The following KLK12 variants were observed in gnomAD, a reference collection of about 807,000 sequenced individuals.
KLK12 encodes kallikrein-12.
In KLK12, 23 loss-of-function variants were observed where a neutral mutation model predicts 20.0. The ratio of observed to expected loss-of-function variants is 1.15; its 90% CI spans 0.83 to 1.63. The LOEUF (loss-of-function observed/expected upper bound fraction) is 1.63. Among genes scored for constraint, KLK12 ranks in the 40% most tolerant of loss-of-function variants. The pLI is 0.00. For synonymous variants in KLK12, 147 were observed against 141.9 expected (o/e 1.04, Z -0.25); for missense variants, 351 against 338.6 (o/e 1.04, Z -0.29).
intron 5 of KLK12, among the ~76,000 whole-genome samples, chr19:51,030,263 C>T (rs886624050): frequency 2.6e-5 from 4 of 151,416 alleles, no homozygotes; most frequent in African/African-American, 9.7e-5. Flanking sequence ...TCCTCCATTC[C>T]CCGGTCCTCC....
intron 4 of KLK12, 26 bp from the exon 5 acceptor site, chr19:51,030,947 G>A (rs375985154): frequency 6.2e-7 from 1 of 1,613,758 alleles, no homozygotes; most frequent in Non-Finnish European, 8.5e-7. Context: ...GCGTGCTGCA[G>A]GGTCCCCTAA....
At chr19:51,033,923 C>T (rs2091584923) in intron 3 of KLK12, 57 bp downstream of exon 3, 5 of 1,530,100 alleles carry the variant, frequency 3.3e-6, no homozygotes, top group Non-Finnish European at 4.5e-6. Context: ...TGTGATCCTA[C>T]CCCCAGCGCT....
intron 2 of KLK12, 104 bp from the exon 3 acceptor site, chr19:51,034,243 A>C: frequency 7.5e-7 from 1 of 1,341,916 alleles, no homozygotes; most frequent in South Asian, 1.3e-5. Flanking sequence ...AGAGAGGAGA[A>C]AGAGAGACGA....
At position 51,031,591 on chromosome 19, in the gene KLK12, C is replaced by CATATATATATATATATATATAT. The variant is rs1185762497; in HGVS notation, c.457+284_457+285insATATATATATATATATATATAT. 4.1e-4 allele frequency among the ~76,000 whole-genome samples: 25 copies of CATATATATATATATATATATAT among 60,554 alleles called. No individual in the cohort carries two copies. In the South Asian group the frequency reaches 0.014, roughly 33 times the overall value. 39.7% of individuals were successfully genotyped at this position (60,554 alleles called of 152,430 possible). The stretch of plus-strand genomic sequence containing the variant: ...TGACCCACAATGCCCATATCCTATA[C>CATATATATATATATATATATAT]ATACATATATATATATATATGCCTT... On this transcript the variant is annotated intron_variant, in intron 4 of 5. Transcript: ENST00000684732.
chr19:51,033,386 C>A (rs2691210), intron 3 of KLK12, among the ~76,000 whole-genome samples: 1 of 151,836 alleles, frequency 6.6e-6, no homozygotes, highest in Non-Finnish European at 1.5e-5. Flanking sequence ...GAGGCCAAGA[C>A]GGGCAGGTCA....
At position 51,029,375 on chromosome 19, in the gene KLK12, T is replaced by C; in HGVS notation, c.674A>G (p.Asp225Gly). 6.2e-7 allele frequency: 1 copy of C among 1,613,778 alleles called. No individual in the cohort carries two copies. Among genetic ancestry groups the C allele is most frequent in the Non-Finnish European group, 8.5e-7 (1 of 1,179,884 alleles). The stretch of plus-strand genomic sequence containing the variant: ...ATAGGTGTAGACTCCAGGGATGCCA[T>C]CTTGTCCACAGGGCCCCACAGACCC... ...SWGSVGPCGQDGIPGVYTYIC... is the reference protein window; with the variant it reads ...SWGSVGPCGQGGIPGVYTYIC... The change falls in exon 6 of 6, where the codon GAT becomes GGT. Residue 225 changes from aspartate to glycine, a missense_variant. Coordinates refer to ENST00000684732, the MANE Select transcript of KLK12 (RefSeq NM_001370125.1).
At chr19:51,033,793 A>T in intron 3 of KLK12, 187 bp downstream of exon 3, 1 of 669,738 alleles carries the variant, frequency 1.5e-6, no homozygotes, top group Non-Finnish European at 2.7e-6. Flanking sequence ...CCTCCACCCA[A>T]CATACCTCAC....
chr19:51,029,758 C>A (rs953146573), intron 5 of KLK12, among the ~76,000 whole-genome samples: 1 of 152,022 alleles, frequency 6.6e-6, no homozygotes, highest in Non-Finnish European at 1.5e-5. Flanking sequence ...AATGACCAAT[C>A]TCAGGGGAGG....
chr19:51,032,104 G>A lies in KLK12; in HGVS notation c.229C>T (p.Leu77Phe), dbSNP rs763260557. The A allele has an allele frequency of 1.0e-5, 16 of 1,604,400 alleles. No individual in the cohort carries two copies. The highest frequency in any genetic ancestry group is 1.0e-5 in the Non-Finnish European group (12 of 1,178,132). Residue 77 changes from leucine (L) to phenylalanine (F), a missense_variant, in exon 4 of 6, where the codon CTC becomes TTC. By Grantham distance (22) the Leu-to-Phe change is conservative (BLOSUM62 0). Coordinates refer to ENST00000684732, the MANE Select transcript of KLK12 (RefSeq NM_001370125.1). ...RYWVRLGEHSLSQLDWTEQIR... is the reference protein window; with the variant it reads ...RYWVRLGEHSFSQLDWTEQIR... ...TGCTCGGTCCAGTCGAGCTGGCTGA[G>A]GCTGTGTTCCCCCAGGCGCACCCAG...
At chr19:51,030,756 G>A in intron 5 of KLK12, 32 bp downstream of exon 5, 10 of 1,611,954 alleles carry the variant, frequency 6.2e-6, no homozygotes, top group Non-Finnish European at 7.6e-6. Flanking sequence ...TTCCTGTCCT[G>A]GTGACCACGC....
At chr19:51,034,748 C>A in intron 1 of KLK12, 58 bp downstream of exon 1, 1 of 1,534,074 alleles carries the variant, frequency 6.5e-7, no homozygotes, top group South Asian at 1.2e-5. Context: ...CTTGTCCTCT[C>A]TCTACCTGCT....
chr19:51,034,022 A>G lies in KLK12; in HGVS notation c.155T>C (p.Ile52Thr). 1 of 1,610,374 alleles carries G rather than the reference A, an allele frequency of 6.2e-7. No homozygotes were observed. Among genetic ancestry groups the G allele is most frequent in the Non-Finnish European group, 8.5e-7 (1 of 1,178,596 alleles). ...GTSLRCGGVL[I>T]DHRWVLTAAH... ...CGCTGTGAGGACCCACCTGTGGTCA[A>G]TAAGGACACCCCCGCAGCGCAGGCT... Residue 52 changes from isoleucine to threonine, a missense_variant, in exon 3 of 6, where the codon ATT becomes ACT. Transcript: ENST00000684732.
At chr19:51,034,702 C>A in intron 1 of KLK12, 62 bp from the exon 2 acceptor site, 1 of 1,559,888 alleles carries the variant, frequency 6.4e-7, no homozygotes, top group East Asian at 2.3e-5. Flanking sequence ...TCTGCCCTCT[C>A]TGCTTCTCTT....
intron 3 of KLK12, among the ~76,000 whole-genome samples, chr19:51,033,407 G>A (rs2122619372): frequency 6.6e-6 from 1 of 152,148 alleles, no homozygotes; most frequent in African/African-American, 2.4e-5. Context: ...TTTGAGGCCA[G>A]GAGTTCGAGA....
chr19:51,030,781 GGC>G lies in KLK12; in HGVS notation c.591+5_591+6del. On this transcript the variant is annotated splice_donor_5th_base_variant and intron_variant, in intron 5 of 5. Coordinates refer to ENST00000684732, the MANE Select transcript of KLK12 (RefSeq NM_001370125.1). ...GGTGACCACGCACGCTGCCTGCACTGGCTCACCTGGCAGGCATCCTGCCCCGG... is the reference window on the plus strand; with the variant it reads ...GGTGACCACGCACGCTGCCTGCACTGTCACCTGGCAGGCATCCTGCCCCGG... 6.2e-7 allele frequency: 1 copy of G among 1,613,312 alleles called. No individual in the cohort carries two copies. Among genetic ancestry groups the G allele is most frequent in the South Asian group, 1.1e-5 (1 of 91,048 alleles).
chr19:51,029,309 T>C lies in KLK12; in HGVS notation c.740A>G (p.Asn247Ser), dbSNP rs1245201395. The change falls in exon 6 of 6, where the codon AAC becomes AGC. Residue 247 changes from asparagine (N) to serine (S), a missense_variant. By Grantham distance (46) the Asn-to-Ser change is conservative. Transcript: ENST00000684732. ...YVDWIRMIMR[N>S]N ...GGAGGTGGAGGAAACAGGTCAGTTG[T>C]TCCTCATGATCATCCGGATCCAGTC... 4 of 1,614,046 alleles carry C rather than the reference T, an allele frequency of 2.5e-6. No individual in the cohort carries two copies. The highest frequency in any genetic ancestry group is 2.5e-6 in the Non-Finnish European group (3 of 1,180,012).
rs889591233 is a variant in KLK12, at chr19:51,034,256, AAGAG to A, written c.38-121_38-118del. On this transcript the variant is annotated intron_variant, in intron 2 of 5. Transcript: ENST00000684732. ...AGAGAGAGGAGAAAGAGAGACGAGA[AAGAG>A]AGAGAAAGAGAGAGAGACCCAGTGA... is the stretch of plus-strand genomic sequence containing the variant. 9.1e-6 allele frequency: 11 copies of A among 1,212,762 alleles called. No homozygotes were observed. In the African/African-American group the frequency reaches 1.2e-4, roughly 13 times the overall value. The allele number at this position is 1,212,762 out of a possible 1,614,324, so 75.1% of individuals were successfully genotyped here.
intron 4 of KLK12, 25 bp from the exon 5 acceptor site, chr19:51,030,946 A>G (rs1286162990): frequency 6.2e-7 from 1 of 1,613,778 alleles, no homozygotes; most frequent in Admixed American, 1.7e-5. Context: ...TGCGTGCTGC[A>G]GGGTCCCCTA....
chr19:51,030,355 A>ATTATTAT (rs2091543809), intron 5 of KLK12, among the ~76,000 whole-genome samples: 1 of 61,904 alleles, frequency 1.6e-5, no homozygotes, highest in Non-Finnish European at 3.4e-5. Context: ...ATTATTATTA[A>ATTATTAT]TTATTTTGTT....
Sources: allele counts gnomAD v4.1 joint callset (sites outside exome capture counted in the v4.1 genomes callset), GRCh38; gene constraint gnomAD v4.1.1; transcripts MANE v1.5; gene names NCBI Gene and HGNC (gene_info 2026-07-23, HGNC 2026-07-21).